Variants in TBC1D31 observed in about 807,000 individuals in gnomAD.
TBC1D31 encodes TBC1 domain family member 31, also known as WD repeat domain 67.
Under a neutral mutation model 132.9 loss-of-function variants are expected in TBC1D31, and 99 were observed. The ratio of observed to expected loss-of-function variants is 0.74; its 90% confidence interval spans 0.63 to 0.88. The LOEUF is 0.88. Ranked by LOEUF, TBC1D31 falls within the 40% of genes least tolerant of loss-of-function variation. The pLI is 0.00. For missense variants in TBC1D31, 1,134 were observed against 1,256.6 expected (o/e 0.90, Z 1.48); for synonymous variants, 385 against 419.4 (o/e 0.92, Z 1.00).
intron 16 of TBC1D31, among the ~76,000 whole-genome samples, chr8:123,131,363 C>CCAAA (rs1820602157): frequency 1.5e-5 from 1 of 64,914 alleles, no homozygotes; most frequent in Admixed American, 2.0e-4. Context: ...GACTCAGTCT[C>CCAAA]AAAAAAAAAA....
chr8:123,115,509 A>G (rs1189849674), intron 10 of TBC1D31, among the ~76,000 whole-genome samples: 3 of 152,012 alleles, frequency 2.0e-5, no homozygotes, highest in African/African-American at 4.8e-5. Context: ...TATTGCTGCT[A>G]TAACAAATTA....
intron 4 of TBC1D31, among the ~76,000 whole-genome samples, chr8:123,085,335 C>T (rs564228855): frequency 1.3e-5 from 2 of 152,188 alleles, no homozygotes; most frequent in African/African-American, 2.4e-5. Context: ...ACCACTCTTA[C>T]GTTTTCCCAC....
the TBC1D31 span, among the ~76,000 whole-genome samples, chr8:123,163,739 A>ATT: frequency 6.6e-6 from 1 of 152,156 alleles, no homozygotes; most frequent in Non-Finnish European, 1.5e-5. Flanking sequence ...TTACATGGAT[A>ATT]AGTTCTTTAG....
intron 2 of TBC1D31, among the ~76,000 whole-genome samples, chr8:123,081,161 C>T (rs1018026533): frequency 6.6e-6 from 1 of 152,172 alleles, no homozygotes; most frequent in Admixed American, 6.5e-5. Context: ...GAATTTTCTA[C>T]CTCTCTGATC....
chr8:123,106,720 AT>A (rs766787083), intron 8 of TBC1D31, among the ~76,000 whole-genome samples: 24 of 152,216 alleles, frequency 1.6e-4, no homozygotes, highest in East Asian at 1.3e-3. Context: ...ATGAAAAGTA[AT>A]AAAAAGATTA....
At chr8:123,135,389 A>C (rs1777144731) in intron 17 of TBC1D31, among the ~76,000 whole-genome samples, 1 of 152,212 alleles carries the variant, frequency 6.6e-6, no homozygotes. Context: ...GCCCACTTAA[A>C]AAGTCAGACC....
chr8:123,164,793 C>A, the TBC1D31 span, among the ~76,000 whole-genome samples: 1 of 152,210 alleles, frequency 6.6e-6, no homozygotes, highest in South Asian at 2.1e-4. Context: ...CAAGTCACTC[C>A]TAATACTGTT....
Position 123,105,455 on chromosome 8 carries a change from A to G in TBC1D31, c.1200A>G (p.Glu400=). 1.9e-6 allele frequency: 3 copies of G among 1,608,624 alleles called. No individual in the cohort carries two copies. The African/African-American group carries it at 4.0e-5, about 21-fold the overall frequency. ...AACAAGACCTGACTGGTGATTTTGA[A>G]AGTAAAAAGGTAAGAATATTTGGTA... ...ILKQDLTGDF[E]SKKNELPDGL... is the part of the protein sequence containing the mutation. The change falls in exon 8 of 22, where the codon GAA becomes GAG. Residue 400 remains glutamate (E), a synonymous_variant. Transcript: ENST00000287380.
At chr8:123,150,355 A>C (rs983372786) in intron 21 of TBC1D31, among the ~76,000 whole-genome samples, 4 of 152,100 alleles carry the variant, frequency 2.6e-5, no homozygotes, top group Admixed American at 1.3e-4. Flanking sequence ...CACTAAAGCC[A>C]CTCCAGTTCT....
rs992376765 is a variant in TBC1D31 at position 123,137,717 on chromosome 8, A to G, written c.2500-3044A>G. On this transcript the variant is annotated intron_variant, in intron 17 of 21. Transcript: ENST00000287380. ...AGGTCAAACTGACAGAGCATGGCCCATGGTTCCCACCAGATCCCATCATTT... is the reference window on the plus strand; with the variant it reads ...AGGTCAAACTGACAGAGCATGGCCCGTGGTTCCCACCAGATCCCATCATTT... 2.6e-5 allele frequency among the ~76,000 whole-genome samples: 4 copies of G among 152,346 alleles called. No homozygotes were observed. In the East Asian group the frequency reaches 7.7e-4, roughly 29 times the overall value.
At chr8:123,100,259 A>T (rs915457754) in intron 6 of TBC1D31, among the ~76,000 whole-genome samples, 1 of 152,130 alleles carries the variant, frequency 6.6e-6, no homozygotes, top group Non-Finnish European at 1.5e-5. Flanking sequence ...AACATGAGCC[A>T]TAAGTTGTGA....
At chr8:123,125,744 G>A (rs7824293) in intron 11 of TBC1D31, among the ~76,000 whole-genome samples, 11,719 of 152,052 alleles carry the variant, frequency 0.077, 597 homozygotes, top group Admixed American at 0.16. Context: ...AGATCATTTC[G>A]TTAATCAGGT....
chr8:123,078,873 A>G (rs1196919136), intron 2 of TBC1D31, among the ~76,000 whole-genome samples: 1 of 152,182 alleles, frequency 6.6e-6, no homozygotes, highest in African/African-American at 2.4e-5. Context: ...TTAATTATAG[A>G]AGAAAAAAAA....
rs758646380 is a variant in TBC1D31 at position 123,126,204 on chromosome 8, G to A, written c.1704+15G>A. ...TAACCTCCCAGGTAAGAAGCATAAG[G>A]TTTTTAGAATAACATGCCTTATTTT... On this transcript the variant is annotated intron_variant, in intron 12 of 21. Coordinates refer to ENST00000287380, the MANE Select transcript of TBC1D31 (RefSeq NM_145647.4). The A allele has an allele frequency of 6.3e-7, 1 of 1,595,790 alleles. No individual in the cohort carries two copies. The highest frequency in any genetic ancestry group is 1.8e-5 in the Admixed American group (1 of 56,136).
At chr8:123,073,889 T>C (rs1814196474) in intron 1 of TBC1D31, among the ~76,000 whole-genome samples, 2 of 151,894 alleles carry the variant, frequency 1.3e-5, no homozygotes, top group South Asian at 4.2e-4. Context: ...TTTCACCATG[T>C]TGGCCAGGCT....
intron 10 of TBC1D31, among the ~76,000 whole-genome samples, chr8:123,112,880 CTG>C (rs1223016490): frequency 1.3e-5 from 2 of 152,194 alleles, no homozygotes; most frequent in Non-Finnish European, 2.9e-5. Flanking sequence ...TGCTTCCTGT[CTG>C]TGTGTAAGAT....
chr8:123,109,277 A>G, intron 8 of TBC1D31, 40 bp from the exon 9 acceptor site: 1 of 1,430,128 alleles, frequency 7.0e-7, no homozygotes, highest in Non-Finnish European at 9.7e-7. Flanking sequence ...TTCAGTTTTA[A>G]TGATTGTGTC....
the TBC1D31 span, among the ~76,000 whole-genome samples, chr8:123,158,018 CTTTTTTT>C: frequency 8.5e-6 from 1 of 117,680 alleles, no homozygotes; most frequent in South Asian, 2.7e-4. Flanking sequence ...TTTTTTCTTC[CTTTTTTT>C]TTTTTTTTTT....
intron 11 of TBC1D31, among the ~76,000 whole-genome samples, 184 bp from the exon 12 acceptor site, chr8:123,125,865 AAAATTTC>A (rs1819976598): frequency 6.6e-6 from 1 of 152,188 alleles, no homozygotes; most frequent in African/African-American, 2.4e-5. Flanking sequence ...GGAAATTTGC[AAAATTTC>A]TGTAAACATA....
Sources: gnomAD v4.1 joint callset for allele counts (sites outside exome capture counted in the v4.1 genomes callset) on GRCh38, gnomAD v4.1.1 for gene constraint, MANE v1.5 for transcripts, NCBI Gene and HGNC (gene_info 2026-07-23, HGNC 2026-07-21) for gene names.